Variants in GPRC5D observed in about 807,000 individuals in gnomAD.
The protein encoded by GPRC5D is G protein-coupled receptor family C group 5 member D.
In GPRC5D, 20 loss-of-function variants were observed where a neutral mutation model predicts 29.3. The ratio of observed to expected loss-of-function variants is 0.68; its 90% CI spans 0.48 to 0.99. The LOEUF is 0.99. GPRC5D is among the 50% of genes least tolerant of loss of function. GPRC5D has a pLI of 0.00. For missense variants in GPRC5D, 384 were observed against 423.6 expected (o/e 0.91, Z 0.82); for synonymous variants, 178 against 171.3 (o/e 1.04, Z -0.30).
chr12:12,952,123 C>CTGG (rs764641687), upstream of GPRC5D: 1 of 152,180 alleles, frequency 6.6e-6, no homozygotes, highest in Non-Finnish European at 1.5e-5. Flanking sequence ...CGTGTCCACT[C>CTGG]TGGAAGCTTA....
intron 1 of GPRC5D, among the ~76,000 whole-genome samples, chr12:12,943,144 C>T (rs973620052): frequency 6.6e-6 from 1 of 152,138 alleles, no homozygotes; most frequent in African/African-American, 2.4e-5. Flanking sequence ...TCACTTGAGA[C>T]GATTCTATAT....
exon 1 of GPRC5D, chr12:12,949,986 A>G (rs1180553934): frequency 1.2e-6 from 2 of 1,614,020 alleles, no homozygotes; most frequent in Non-Finnish European, 1.7e-6. Flanking sequence ...TGCAACCAAT[A>G]GCAATGCACA....
intron 1 of GPRC5D, among the ~76,000 whole-genome samples, chr12:12,945,513 A>G (rs1430823578): frequency 1.3e-5 from 2 of 152,166 alleles, no homozygotes; most frequent in Non-Finnish European, 2.9e-5. Flanking sequence ...CTATTTATTT[A>G]TTTTGAAGGT....
chr12:12,946,345 C>CTTTCTTTCTTTCTTTCTTTCT (rs1863334387), intron 1 of GPRC5D, among the ~76,000 whole-genome samples: 1 of 147,684 alleles, frequency 6.8e-6, no homozygotes, highest in African/African-American at 2.6e-5. Flanking sequence ...TTCTTTCTTT[C>CTTTCTTTCTTTCTTTCTTTCT]TTTCTTTCTT....
intron 1 of GPRC5D, chr12:12,948,328 A>T (rs1024440213): frequency 5.9e-5 from 9 of 153,142 alleles, no homozygotes; most frequent in African/African-American, 2.2e-4. Context: ...GAAAACTTTT[A>T]TGGGAAAAAG....
In GPRC5D at chr12:12,948,921, C is replaced by A. The variant is rs773147801; in HGVS notation, c.895+569G>T. Among the ~76,000 whole-genome samples, 7 of 152,098 alleles carry A rather than the reference C, an allele frequency of 4.6e-5. 1 individual carries two copies. In the South Asian group the frequency reaches 6.2e-4, roughly 13 times the overall value. On this transcript the variant is annotated intron_variant, in intron 1 of 2. Coordinates refer to ENST00000228887, the Ensembl canonical transcript of GPRC5D. ...GGCTCTTCCTCTCGCTTTTTGTAAA[C>A]CTTGAAGGATTTTAAATAGTAAATG...
intron 1 of GPRC5D, among the ~76,000 whole-genome samples, chr12:12,949,099 T>C (rs2136503794): frequency 6.6e-6 from 1 of 152,328 alleles, no homozygotes. Flanking sequence ...GCTGTTGCAC[T>C]TGAAGGCCAA....
rs751439160 is a variant in GPRC5D, at chr12:12,949,699, G to A, written c.686C>T (p.Pro229Leu). The change falls in exon 1 of 3, where the codon CCG becomes CTG. Residue 229 changes from proline to leucine, a missense_variant. Coordinates refer to ENST00000228887, the Ensembl canonical transcript of GPRC5D. ...CCACTGGGGCTGTCGCTGGAACTGC[G>A]GGTTGCCTCTCAGGAGCATGGAGAT... The A allele has an allele frequency of 4.4e-6, 7 of 1,606,074 alleles. No homozygotes were observed. In the Admixed American group the frequency reaches 5.1e-5, roughly 12 times the overall value.
chr12:12,942,390 G>A, intron 1 of GPRC5D, 62 bp from the exon 3 acceptor site: 1 of 1,013,004 alleles, frequency 9.9e-7, no homozygotes, highest in Non-Finnish European at 1.6e-6. Flanking sequence ...AACAGCACAT[G>A]AGGACTACAG....
intron 1 of GPRC5D, chr12:12,947,013 C>T (rs1863365228): frequency 6.6e-6 from 1 of 152,226 alleles, no homozygotes; most frequent in Non-Finnish European, 1.5e-5. Flanking sequence ...CTCATTCTCA[C>T]TGTCTTCACC....
Position 12,946,430 on chromosome 12 carries a change from C to CTT in GPRC5D, c.895+3059_895+3060insAA, listed in dbSNP as rs1324105814. On this transcript the variant is annotated intron_variant, in intron 1 of 2. Coordinates refer to ENST00000228887, the Ensembl canonical transcript of GPRC5D. ...TCTCTCTCTTTCTCTCTCTCTCTTT[C>CTT]TCTCTTTCTCTCTCTCTCTCTCTCT... 2.5e-3 allele frequency among the ~76,000 whole-genome samples: 119 copies of CTT among 47,380 alleles called. 2 individuals carry two copies. The highest frequency in any genetic ancestry group is 3.9e-3 in the African/African-American group (105 of 26,738). The allele number at this position is 47,380 out of a possible 152,430, so 31.1% of individuals were successfully genotyped here.
upstream of GPRC5D, among the ~76,000 whole-genome samples, chr12:12,951,623 A>G (rs545272580): frequency 7.4e-4 from 113 of 152,346 alleles, no homozygotes; most frequent in African/African-American, 2.6e-3. Flanking sequence ...TCTTTTTCAT[A>G]AAAGGAGGTG....
Position 12,944,948 on chromosome 12 carries a change from CTT to C in GPRC5D, c.896-2622_896-2621del, listed in dbSNP as rs1863271288. 4.1e-4 allele frequency among the ~76,000 whole-genome samples: 3 copies of C among 7,386 alleles called. No individual in the cohort carries two copies. The Non-Finnish European group carries it at 5.0e-3, about 12-fold the overall frequency. 4.8% of individuals were successfully genotyped at this position (7,386 alleles called of 152,430 possible). On this transcript the variant is annotated intron_variant, in intron 1 of 2. Coordinates refer to ENST00000228887, the Ensembl canonical transcript of GPRC5D. ...TTCTTCCTTTTCTTCCCTTTCTTTC[CTT>C]TTCTTTCCTTTTCTTTCCTTTTCTT...
intron 1 of GPRC5D, among the ~76,000 whole-genome samples, chr12:12,945,566 C>G (rs1417160452): frequency 6.6e-6 from 1 of 151,698 alleles, no homozygotes; most frequent in African/African-American, 2.4e-5. Context: ...CAAAATTTAC[C>G]AACTCCAAAT....
chr12:12,942,608 A>C (rs535397810), intron 1 of GPRC5D, among the ~76,000 whole-genome samples: 1 of 152,254 alleles, frequency 6.6e-6, no homozygotes, highest in South Asian at 2.1e-4. Flanking sequence ...GGTGGCGTGC[A>C]CCTGTAATCC....
At chr12:12,948,383 A>C (rs760911651) in intron 1 of GPRC5D, 2 of 154,350 alleles carry the variant, frequency 1.3e-5, no homozygotes, top group Non-Finnish European at 2.9e-5. Context: ...AACTGAAAAG[A>C]ATCAATGGAT....
At chr12:12,943,259 T>G (rs1592370125) in intron 1 of GPRC5D, among the ~76,000 whole-genome samples, 1 of 152,322 alleles carries the variant, frequency 6.6e-6, no homozygotes, top group Non-Finnish European at 1.5e-5. Context: ...TAAGAGCAGG[T>G]ACTTGCTGGA....
intron 2 of GPRC5D, among the ~76,000 whole-genome samples, chr12:12,941,534 G>C (rs1863145848): frequency 6.6e-6 from 1 of 152,142 alleles, no homozygotes; most frequent in South Asian, 2.1e-4. Context: ...GGTTAGCTTA[G>C]TTAGTGGCCT....
At chr12:12,944,613 T>A (rs1863227805) in intron 1 of GPRC5D, 1 of 152,066 alleles carries the variant, frequency 6.6e-6, no homozygotes, top group East Asian at 1.9e-4. Flanking sequence ...CGTTTTATAC[T>A]CGTTGATCCG....
Sources: gnomAD v4.1 joint callset for allele counts (sites outside exome capture counted in the v4.1 genomes callset) on GRCh38, gnomAD v4.1.1 for gene constraint, MANE v1.5 for transcripts, NCBI Gene and HGNC (gene_info 2026-07-23, HGNC 2026-07-21) for gene names.